FOXP1: variants seen among roughly 807,000 people sequenced by gnomAD.
The protein encoded by FOXP1 is forkhead box protein P1.
FOXP1 carries 15 observed loss-of-function variants against 98.2 expected under a neutral mutation model. That is an observed-to-expected ratio of 0.15 (90% CI 0.10 to 0.24). FOXP1 has a LOEUF of 0.24. FOXP1 is among the 10% of genes least tolerant of loss of function. The pLI is 1.00. For missense variants in FOXP1, 633 were observed against 848.5 expected (o/e 0.75, Z 3.15); for synonymous variants, 371 against 314.5 (o/e 1.18, Z -1.90).
At chr3:71,500,408 T>C (rs1352910473) in intron 2 of FOXP1, among the ~76,000 whole-genome samples, 6 of 152,218 alleles carry the variant, frequency 3.9e-5, no homozygotes, top group African/African-American at 1.2e-4. Context: ...CCCCCATCTA[T>C]GTCCAAACCC....
chr3:71,180,440 A>C (rs1006594326), intron 6 of FOXP1, among the ~76,000 whole-genome samples: 3 of 152,138 alleles, frequency 2.0e-5, no homozygotes, highest in African/African-American at 7.2e-5. Flanking sequence ...AAAATCGTAG[A>C]TGTTTTAAAA....
intron 3 of FOXP1, among the ~76,000 whole-genome samples, chr3:71,389,502 ATAAAT>A (rs970203818): frequency 6.6e-6 from 1 of 152,190 alleles, no homozygotes; most frequent in Non-Finnish European, 1.5e-5. Context: ...ATATAATAAA[ATAAAT>A]TAAATAAGGT....
chr3:70,998,002 T>C (rs1029321065), intron 13 of FOXP1, among the ~76,000 whole-genome samples: 8 of 152,148 alleles, frequency 5.3e-5, no homozygotes, highest in African/African-American at 1.9e-4. Flanking sequence ...AATTGACCCA[T>C]GTGGAGACTA....
At position 71,213,795 on chromosome 3, in the gene FOXP1, G is replaced by A. The variant is rs537532630; in HGVS notation, c.-11-15403C>T. ...CGTGCCACTGCACTCCAGCCTGGGC[G>A]ACAGAGCAAGACTCCATTTCAAAAA... On this transcript the variant is annotated intron_variant, in intron 5 of 20. Coordinates refer to ENST00000649528, the MANE Select transcript of FOXP1 (RefSeq NM_001349338.3). 4.6e-5 allele frequency among the ~76,000 whole-genome samples: 7 copies of A among 152,168 alleles called. 1 individual carries two copies. The highest frequency in any genetic ancestry group is 9.6e-5 in the African/African-American group (4 of 41,522).
chr3:71,413,655 T>G (rs1022952574), intron 3 of FOXP1, among the ~76,000 whole-genome samples: 1 of 152,196 alleles, frequency 6.6e-6, no homozygotes, highest in Non-Finnish European at 1.5e-5. Context: ...TTCATCTATT[T>G]TGGTTTTTGA....
chr3:71,400,023 G>A (rs1369609379), intron 3 of FOXP1, among the ~76,000 whole-genome samples: 2 of 152,050 alleles, frequency 1.3e-5, no homozygotes, highest in East Asian at 3.8e-4. Context: ...TTAATGCAGT[G>A]TTAATAATTA....
At chr3:71,005,502 T>C (rs1001727383) in intron 12 of FOXP1, among the ~76,000 whole-genome samples, 1 of 151,984 alleles carries the variant, frequency 6.6e-6, no homozygotes, top group Admixed American at 6.6e-5. Context: ...AGGATTAATA[T>C]ATTATTTGGG....
chr3:71,404,819 C>T (rs753163523), intron 3 of FOXP1, among the ~76,000 whole-genome samples: 1 of 152,176 alleles, frequency 6.6e-6, no homozygotes, highest in Non-Finnish European at 1.5e-5. Context: ...TGAAAAGAGA[C>T]TAATCAATAG....
At chr3:71,236,211 A>C (rs1226622704) in intron 5 of FOXP1, among the ~76,000 whole-genome samples, 1 of 152,212 alleles carries the variant, frequency 6.6e-6, no homozygotes, top group African/African-American at 2.4e-5. Flanking sequence ...AAGTTCTCTA[A>C]AATAGTGGGG....
At chr3:71,468,077 A>C (rs2088956372) in intron 3 of FOXP1, among the ~76,000 whole-genome samples, 1 of 152,172 alleles carries the variant, frequency 6.6e-6, no homozygotes, top group African/African-American at 2.4e-5. Context: ...TGATCATTCC[A>C]ACAGTCCTCA....
chr3:71,145,470 G>C (rs1224040389), intron 6 of FOXP1, among the ~76,000 whole-genome samples: 2 of 152,112 alleles, frequency 1.3e-5, no homozygotes, highest in Non-Finnish European at 2.9e-5. Flanking sequence ...TTGAACCGGA[G>C]GGCAGAGGTT....
At chr3:71,467,506 G>C (rs2088891963) in intron 3 of FOXP1, among the ~76,000 whole-genome samples, 1 of 152,104 alleles carries the variant, frequency 6.6e-6, no homozygotes, top group South Asian at 2.1e-4. Flanking sequence ...CTTTATCCAG[G>C]GACTTCCTCC....
chr3:71,582,164 C>CGT (rs945413337), intron 1 of FOXP1: 13 of 982,952 alleles, frequency 1.3e-5, no homozygotes, highest in Non-Finnish European at 1.6e-5. Flanking sequence ...CCCCAGAGCC[C>CGT]GTGTGTGTCA....
At chr3:71,537,337 G>A (rs550258129) in intron 2 of FOXP1, among the ~76,000 whole-genome samples, 22 of 152,310 alleles carry the variant, frequency 1.4e-4, no homozygotes, top group South Asian at 4.1e-4. Context: ...GACTGAAAGC[G>A]AGGCAAGGTG....
intron 11 of FOXP1, 64 bp from the exon 12 acceptor site, chr3:71,015,717 A>T (rs2044363948): frequency 1.7e-6 from 2 of 1,155,640 alleles, no homozygotes; most frequent in Non-Finnish European, 1.3e-6. Flanking sequence ...CCACCAGACG[A>T]GGATAAAAAA....
chr3:71,050,883 C>A (rs1201686771), intron 9 of FOXP1, among the ~76,000 whole-genome samples: 2 of 152,214 alleles, frequency 1.3e-5, no homozygotes, highest in Non-Finnish European at 2.9e-5. Flanking sequence ...ACTTTGAAGT[C>A]AGCTTTCAGA....
chr3:71,070,782 G>A lies in FOXP1; in HGVS notation c.283-17009C>T, dbSNP rs146732383. On this transcript the variant is annotated intron_variant, in intron 7 of 20. Transcript: ENST00000649528. ...AGTGTCAATGGGAAGCACAAGGCCTGTACAAATCCCTGCATACCATTTCAA... is the reference window on the plus strand; with the variant it reads ...AGTGTCAATGGGAAGCACAAGGCCTATACAAATCCCTGCATACCATTTCAA... Among the ~76,000 whole-genome samples the A allele has an allele frequency of 7.6e-4, 116 of 152,308 alleles. 1 individual carries two copies. In the East Asian group the frequency reaches 0.016, roughly 21 times the overall value.
chr3:71,130,426 T>C (rs1380432669), intron 6 of FOXP1: 4 of 1,477,006 alleles, frequency 2.7e-6, no homozygotes, highest in East Asian at 2.3e-5. Context: ...AGAGAATGTC[T>C]GCACAAGAAC....
intron 6 of FOXP1, among the ~76,000 whole-genome samples, chr3:71,165,153 G>A (rs2061339312): frequency 6.6e-6 from 1 of 151,380 alleles, no homozygotes; most frequent in Admixed American, 6.6e-5. Context: ...TTCCTGAAAG[G>A]GATGGAAAGG....
Sources: allele counts gnomAD v4.1 joint callset (sites outside exome capture counted in the v4.1 genomes callset), GRCh38; gene constraint gnomAD v4.1.1; transcripts MANE v1.5; gene names NCBI Gene and HGNC (gene_info 2026-07-23, HGNC 2026-07-21).